Variants in NTNG1 observed in about 807,000 individuals in gnomAD.
The protein encoded by NTNG1 is netrin G1.
In NTNG1, 16 loss-of-function variants were observed where a neutral mutation model predicts 54.0. The observed-to-expected ratio is 0.30, with a 90% confidence interval of 0.20 to 0.45. The LOEUF (loss-of-function observed/expected upper bound fraction) is 0.45. Among genes scored for constraint, NTNG1 ranks in the 20% least tolerant of loss-of-function variants. The pLI is 1.00. For synonymous variants in NTNG1, 255 were observed against 263.1 expected, an observed-to-expected ratio of 0.97 and a Z score of 0.30; for missense variants, 530 against 678.7, an observed-to-expected ratio of 0.78 and a Z score of 2.43.
chr1:107,446,478 C>T (rs778553558), intron 7 of NTNG1, among the ~76,000 whole-genome samples: 1 of 152,030 alleles, frequency 6.6e-6, no homozygotes, highest in East Asian at 1.9e-4. Flanking sequence ...GAGACAATTA[C>T]AGTAATAATA....
At chr1:107,203,928 A>G (rs544840516) in intron 2 of NTNG1, among the ~76,000 whole-genome samples, 1 of 152,096 alleles carries the variant, frequency 6.6e-6, no homozygotes, top group South Asian at 2.1e-4. Flanking sequence ...TTACTAGTTT[A>G]AAGTTTATTC....
chr1:107,160,526 A>G (rs1292334558), intron 2 of NTNG1, among the ~76,000 whole-genome samples: 1 of 152,156 alleles, frequency 6.6e-6, no homozygotes, highest in African/African-American at 2.4e-5. Context: ...ATAAGCTATT[A>G]TAAAATAGAG....
At chr1:107,420,900 T>C (rs1468532964) in intron 5 of NTNG1, among the ~76,000 whole-genome samples, 1 of 152,046 alleles carries the variant, frequency 6.6e-6, no homozygotes, top group Non-Finnish European at 1.5e-5. Context: ...TTACTGACAA[T>C]GTTGAACCAT....
intron 3 of NTNG1, among the ~76,000 whole-genome samples, chr1:107,380,657 C>T (rs1042075854): frequency 1.3e-5 from 2 of 152,050 alleles, no homozygotes; most frequent in Admixed American, 6.6e-5. Flanking sequence ...ATTTCCACAG[C>T]GAGGAGATAG....
chr1:107,367,258 A>G (rs892365441), intron 3 of NTNG1, among the ~76,000 whole-genome samples: 12 of 152,164 alleles, frequency 7.9e-5, no homozygotes, highest in African/African-American at 2.7e-4. Flanking sequence ...ACAGATCTTA[A>G]TGTTTGCCTG....
rs974706498 is a variant in NTNG1 at position 107,482,156 on chromosome 1, A to G, written c.*1316A>G. On this transcript the variant is annotated 3_prime_UTR_variant, in exon 8 of 8. Transcript: ENST00000370068. ...GAGACTTTTATTTTTAAGTCATGCTATTTTCACAGATTGATGGTGATCATG... is the reference window on the plus strand; with the variant it reads ...GAGACTTTTATTTTTAAGTCATGCTGTTTTCACAGATTGATGGTGATCATG... 5 of 150,724 alleles carry G rather than the reference A, an allele frequency of 3.3e-5. No individual in the cohort carries two copies. Among genetic ancestry groups the G allele is most frequent in the African/African-American group, 7.3e-5 (3 of 40,958 alleles). The allele number at this position is 150,724 out of a possible 1,614,324, so 9.3% of individuals were successfully genotyped here.
At chr1:107,451,574 C>T (rs1242493241) in intron 7 of NTNG1, among the ~76,000 whole-genome samples, 7 of 152,114 alleles carry the variant, frequency 4.6e-5, no homozygotes, top group Non-Finnish European at 1.0e-4. Flanking sequence ...TGCTGTCCTC[C>T]TACACACTAT....
intron 2 of NTNG1, among the ~76,000 whole-genome samples, chr1:107,264,711 G>A (rs1489707910): frequency 6.6e-6 from 1 of 152,086 alleles, no homozygotes; most frequent in African/African-American, 2.4e-5. Flanking sequence ...GCACCTTTGA[G>A]TCATTTCCTT....
intron 3 of NTNG1, among the ~76,000 whole-genome samples, chr1:107,337,817 A>G (rs1421502111): frequency 6.6e-6 from 1 of 152,016 alleles, no homozygotes; most frequent in Non-Finnish European, 1.5e-5. Context: ...CGAAGTTTGT[A>G]CGGGGCTTCA....
chr1:107,405,955 C>G (rs1673389405), intron 4 of NTNG1, among the ~76,000 whole-genome samples: 1 of 152,110 alleles, frequency 6.6e-6, no homozygotes, highest in Non-Finnish European at 1.5e-5. Context: ...TTCAGCAGTC[C>G]TTTGCAGAAA....
At chr1:107,410,930 CA>C (rs1673758111) in intron 5 of NTNG1, among the ~76,000 whole-genome samples, 1 of 152,094 alleles carries the variant, frequency 6.6e-6, no homozygotes, top group Non-Finnish European at 1.5e-5. Context: ...TCACTTCTTA[CA>C]AAACTGAATG....
intron 2 of NTNG1, among the ~76,000 whole-genome samples, chr1:107,303,768 C>T (rs1666476548): frequency 6.6e-6 from 1 of 152,092 alleles, no homozygotes; most frequent in African/African-American, 2.4e-5. Flanking sequence ...CTCACTGCAA[C>T]CTCCGCCTCC....
At chr1:107,152,196 A>C (rs1654629823) in intron 2 of NTNG1, among the ~76,000 whole-genome samples, 1 of 151,978 alleles carries the variant, frequency 6.6e-6, no homozygotes, top group African/African-American at 2.4e-5. Flanking sequence ...TGTTTTTGTC[A>C]ATGGGGAAGA....
chr1:107,448,451 C>T (rs1402355858), intron 7 of NTNG1, among the ~76,000 whole-genome samples: 1 of 151,974 alleles, frequency 6.6e-6, no homozygotes, highest in African/African-American at 2.4e-5. Flanking sequence ...AAGTGTGATC[C>T]CTCAATGGGT....
At chr1:107,381,005 T>C (rs192619824) in intron 3 of NTNG1, among the ~76,000 whole-genome samples, 20 of 152,324 alleles carry the variant, frequency 1.3e-4, no homozygotes, top group African/African-American at 4.6e-4. Flanking sequence ...TGTTCATCAA[T>C]GGTTCAATGC....
chr1:107,158,464 A>G (rs931773726), intron 2 of NTNG1, among the ~76,000 whole-genome samples: 3 of 152,288 alleles, frequency 2.0e-5, no homozygotes, highest in Admixed American at 6.5e-5. Context: ...ATATTAAATG[A>G]AGAATTGAAC....
intron 2 of NTNG1, among the ~76,000 whole-genome samples, chr1:107,254,099 A>G (rs576686774): frequency 2.6e-5 from 4 of 152,192 alleles, no homozygotes; most frequent in Non-Finnish European, 4.4e-5. Flanking sequence ...ATCACTTCTC[A>G]AAGCCCAGGG....
intron 2 of NTNG1, among the ~76,000 whole-genome samples, chr1:107,243,164 T>C (rs1398084788): frequency 6.6e-6 from 1 of 152,252 alleles, no homozygotes; most frequent in Non-Finnish European, 1.5e-5. Flanking sequence ...TTTCTCCTTG[T>C]AGCTTTGCAG....
intron 2 of NTNG1, among the ~76,000 whole-genome samples, chr1:107,227,701 T>A (rs1048418811): frequency 2.0e-5 from 3 of 146,624 alleles, no homozygotes; most frequent in Non-Finnish European, 4.5e-5. Context: ...CACACACACA[T>A]ACACACACAC....
Sources: gnomAD v4.1 joint callset for allele counts (sites outside exome capture counted in the v4.1 genomes callset) on GRCh38, gnomAD v4.1.1 for gene constraint, MANE v1.5 for transcripts, NCBI Gene and HGNC (gene_info 2026-07-23, HGNC 2026-07-21) for gene names.